MMS19: variants seen among roughly 807,000 people sequenced by gnomAD.
The protein encoded by MMS19 is MMS19 cytosolic iron-sulfur assembly component.
A neutral mutation model predicts 129.8 loss-of-function variants in MMS19; 77 were observed. That is an observed-to-expected ratio of 0.59 (90% CI 0.49 to 0.72). The LOEUF (loss-of-function observed/expected upper bound fraction) is 0.72. Ranked by LOEUF, MMS19 falls within the 30% of genes least tolerant of loss-of-function variation. MMS19 has a pLI of 0.00. For synonymous variants in MMS19, 491 were observed against 502.8 expected (o/e 0.98, Z 0.31); for missense variants, 1,168 against 1,266.3 (o/e 0.92, Z 1.18).
chr10:97,461,829 T>A lies in MMS19; in HGVS notation c.2183A>T (p.Asn728Ile). 1 of 1,608,184 alleles carries A rather than the reference T, an allele frequency of 6.2e-7. No homozygotes were observed. Among genetic ancestry groups the A allele is most frequent in the South Asian group, 1.1e-5 (1 of 89,670 alleles). Residue 728 changes from asparagine (N) to isoleucine (I), a missense_variant and splice_region_variant, in exon 22 of 31, where the codon AAT becomes ATT. Around this residue, in one of 3 missense-constraint regions of MMS19, gnomAD observed 831 missense variants for 910.8 expected, o/e 0.91. Transcript: ENST00000438925. ...TACTTCCCAAATGTGCTCACTTACA[T>A]TTCGAGGCAGGGAGCAGACAAAGGC... ...LMAFVCSLPR[N>I]VEIPQLNQLM...
intron 1 of MMS19, among the ~76,000 whole-genome samples, chr10:97,489,424 TAC>T (rs1432572239): frequency 1.3e-5 from 2 of 152,238 alleles, no homozygotes; most frequent in African/African-American, 4.8e-5. Flanking sequence ...GGAATAATTT[TAC>T]ATTTATAGCA....
At chr10:97,475,886 G>C (rs1007686050) in intron 8 of MMS19, among the ~76,000 whole-genome samples, 1 of 152,204 alleles carries the variant, frequency 6.6e-6, no homozygotes, top group Admixed American at 6.5e-5. Flanking sequence ...TTATGAAAGA[G>C]ATAAAAAGAT....
intron 21 of MMS19, 53 bp downstream of exon 21, chr10:97,461,964 G>A: frequency 6.4e-7 from 1 of 1,564,472 alleles, no homozygotes; most frequent in Non-Finnish European, 8.7e-7. Flanking sequence ...ACCCATTCCA[G>A]ATTAGCCCTA....
intron 3 of MMS19, among the ~76,000 whole-genome samples, chr10:97,479,378 C>T (rs777360710): frequency 6.6e-6 from 1 of 152,156 alleles, no homozygotes; most frequent in African/African-American, 2.4e-5. Flanking sequence ...TGTGAGGACC[C>T]TTAGATCAAC....
intron 1 of MMS19, among the ~76,000 whole-genome samples, chr10:97,496,153 T>C (rs1365888945): frequency 6.6e-6 from 1 of 152,186 alleles, no homozygotes; most frequent in Non-Finnish European, 1.5e-5. Context: ...TTGAGTTGAA[T>C]TCAAATTAAG....
At position 97,477,852 on chromosome 10, in the gene MMS19, CA is replaced by C. The variant is rs1564667363; in HGVS notation, c.423+2del. On this transcript the variant is annotated splice_donor_variant, in intron 5 of 30. Transcript: ENST00000438925. LOFTEE classifies it high-confidence loss of function. ...GAATACCAACATGACTGTTATCCCTCACCTGTACATGCACTTCCTGGAAGAT... is the reference window on the plus strand; with the variant it reads ...GAATACCAACATGACTGTTATCCCTCCCTGTACATGCACTTCCTGGAAGAT... 2 of 1,599,826 alleles carry C rather than the reference CA, an allele frequency of 1.3e-6. No individual in the cohort carries two copies. Among genetic ancestry groups the C allele is most frequent in the Non-Finnish European group, 1.7e-6 (2 of 1,173,628 alleles).
At chr10:97,473,987 T>C (rs2135372512) in intron 8 of MMS19, among the ~76,000 whole-genome samples, 1 of 151,278 alleles carries the variant, frequency 6.6e-6, no homozygotes, top group Non-Finnish European at 1.5e-5. Flanking sequence ...TATAGAAAAA[T>C]ACAACAATTA....
At chr10:97,485,344 C>T (rs1167198432) in intron 1 of MMS19, among the ~76,000 whole-genome samples, 1 of 151,230 alleles carries the variant, frequency 6.6e-6, no homozygotes, top group African/African-American at 2.4e-5. Context: ...TGGAGTCTTG[C>T]TCTCGTTACC....
intron 1 of MMS19, among the ~76,000 whole-genome samples, chr10:97,492,916 T>C (rs977621471): frequency 4.0e-5 from 6 of 151,130 alleles, no homozygotes; most frequent in Admixed American, 2.6e-4. Context: ...TACTGAATAT[T>C]ATAAATAGGG....
At chr10:97,477,557 A>G in intron 5 of MMS19, 141 bp from the exon 6 acceptor site, 1 of 1,196,086 alleles carries the variant, frequency 8.4e-7, no homozygotes, top group Non-Finnish European at 1.2e-6. Context: ...CTACAGAGAA[A>G]GGGTATGGAT....
chr10:97,474,787 T>A (rs1365666893), intron 8 of MMS19, among the ~76,000 whole-genome samples: 1 of 152,214 alleles, frequency 6.6e-6, no homozygotes, highest in Non-Finnish European at 1.5e-5. Flanking sequence ...AGATTATCTC[T>A]GTGAAAATAA....
intron 18 of MMS19, among the ~76,000 whole-genome samples, chr10:97,464,821 C>T (rs2033034216): frequency 6.6e-6 from 1 of 151,948 alleles, no homozygotes; most frequent in Non-Finnish European, 1.5e-5. Context: ...GCCTTAGCCT[C>T]CCAAGTAGCT....
rs1448803154 is a variant in MMS19, at chr10:97,484,528, CCT to C, written c.113-379_113-378del. On this transcript the variant is annotated intron_variant, in intron 1 of 30. Coordinates refer to ENST00000438925, the MANE Select transcript of MMS19 (RefSeq NM_022362.5). ...TGTAAAATGATATAAGGAAAAAGAC[CCT>C]GTTTATAATAGCGAAAAAAGAAAAA... 4.6e-5 allele frequency among the ~76,000 whole-genome samples: 7 copies of C among 151,878 alleles called. No individual in the cohort carries two copies. In the East Asian group the frequency reaches 9.7e-4, roughly 21 times the overall value.
rs373956457 is a variant in MMS19, at chr10:97,459,412, C to T, written c.2854G>A (p.Val952Met). The change falls in exon 28 of 31, where the codon GTG (valine) becomes ATG (methionine). Residue 952 changes from valine to methionine, a missense_variant. This residue lies in a region of MMS19 where 831 missense variants were observed against 910.8 expected (regional missense o/e 0.91). Coordinates refer to ENST00000438925, the MANE Select transcript of MMS19 (RefSeq NM_022362.5). ...LEAPQVMSLHVDTLVTKFLNL... is the reference protein window; with the variant it reads ...LEAPQVMSLHMDTLVTKFLNL... ...AGAAACTTGGTGACGAGGGTGTCCA[C>T]GTGAAGACTCATGACTTGGGGTGCT... 20 of 1,606,412 alleles carry T rather than the reference C, an allele frequency of 1.2e-5. No individual in the cohort carries two copies. Among genetic ancestry groups the T allele is most frequent in the African/African-American group, 6.7e-5 (5 of 74,798 alleles).
At chr10:97,477,112 G>A in intron 6 of MMS19, 149 bp from the exon 7 acceptor site, 1 of 1,507,970 alleles carries the variant, frequency 6.6e-7, no homozygotes, top group South Asian at 1.4e-5. Flanking sequence ...ACTCAGTGAA[G>A]AGATGTGCAA....
intron 1 of MMS19, among the ~76,000 whole-genome samples, chr10:97,493,672 C>T (rs2039328782): frequency 6.6e-6 from 1 of 152,170 alleles, no homozygotes; most frequent in Non-Finnish European, 1.5e-5. Context: ...GACCATGGGC[C>T]ACTAACTTTA....
chr10:97,478,533 T>C, intron 3 of MMS19, 144 bp from the exon 4 acceptor site: 1 of 616,382 alleles, frequency 1.6e-6, no homozygotes, highest in Admixed American at 2.9e-5. Context: ...GTCCTGTGCC[T>C]TCCCATTTGA....
intron 16 of MMS19, 116 bp downstream of exon 16, chr10:97,466,388 C>T (rs1405038218): frequency 3.4e-6 from 3 of 879,888 alleles, no homozygotes; most frequent in African/African-American, 1.7e-5. Context: ...CAGAGCTCAC[C>T]TCCCCTAAGG....
At position 97,476,685 on chromosome 10, in the gene MMS19, G is replaced by A. The variant is rs762280812; in HGVS notation, c.682C>T (p.Pro228Ser). ...TSCYFPIDFTPPPNDPHGIQR... is the reference protein window; with the variant it reads ...TSCYFPIDFTSPPNDPHGIQR... ...CAAACAATGAAGGTGCTACTTACAG[G>A]GGTAAAATCGATAGGGAAATAACAG... The change falls in exon 8 of 31, where the codon CCT becomes TCT. Residue 228 changes from proline to serine, a missense_variant and splice_region_variant. Around this residue, in one of 3 missense-constraint regions of MMS19, gnomAD observed 329 missense variants for 328.6 expected, o/e 1.00. Transcript: ENST00000438925. 1 of 1,613,588 alleles carries A rather than the reference G, an allele frequency of 6.2e-7. No homozygotes were observed. The highest frequency in any genetic ancestry group is 1.1e-5 in the South Asian group (1 of 91,002).
Sources: allele counts gnomAD v4.1 joint callset (sites outside exome capture counted in the v4.1 genomes callset), GRCh38; gene constraint gnomAD v4.1.1; regional missense constraint gnomAD v4.1.1; transcripts MANE v1.5; gene names NCBI Gene and HGNC (gene_info 2026-07-23, HGNC 2026-07-21).